EEFSEC: variants seen among roughly 807,000 people sequenced by gnomAD.
EEFSEC encodes the protein eukaryotic elongation factor, selenocysteine-tRNA specific, also known as selenocysteine-specific elongation factor.
Under a neutral mutation model 42.1 loss-of-function variants are expected in EEFSEC, and 43 were observed. The observed-to-expected ratio is 1.02, with a 90% CI of 0.80 to 1.32. The LOEUF is 1.32. EEFSEC is among the 40% of genes most tolerant of loss of function. The probability of loss-of-function intolerance (pLI) is 0.00; values close to 1 mark genes in which losing one functional copy is unlikely to be tolerated. For missense variants in EEFSEC, 745 were observed against 803.6 expected (o/e 0.93, Z 0.88); for synonymous variants, 354 against 339.1 (o/e 1.04, Z -0.48).
chr3:128,293,679 A>AAC lies in EEFSEC; in HGVS notation c.786+28899_786+28900insCA, dbSNP rs1553752141. Among the ~76,000 whole-genome samples, 77 of 133,448 alleles carry AAC rather than the reference A, an allele frequency of 5.8e-4. 4 individuals carry two copies. The highest frequency in any genetic ancestry group is 9.6e-4 in the Non-Finnish European group (61 of 63,432). 87.5% of individuals were successfully genotyped at this position (133,448 alleles called of 152,430 possible). ...CTATCTCAAAAAAAAAAAAAAAAAA[A>AAC]AAAAAAAACTTCCCTTATAGGATCA... On this transcript the variant is annotated intron_variant, in intron 4 of 6. Coordinates refer to ENST00000254730, the MANE Select transcript of EEFSEC (RefSeq NM_021937.5).
intron 4 of EEFSEC, among the ~76,000 whole-genome samples, chr3:128,322,108 C>A (rs1382035038): frequency 6.6e-6 from 1 of 152,208 alleles, no homozygotes; most frequent in Non-Finnish European, 1.5e-5. Context: ...ATAGCAGGAG[C>A]AGTTTCCCCA....
At chr3:128,258,405 T>C (rs1290051517) in intron 2 of EEFSEC, among the ~76,000 whole-genome samples, 1 of 152,208 alleles carries the variant, frequency 6.6e-6, no homozygotes, top group Non-Finnish European at 1.5e-5. Flanking sequence ...TTGCTTCTGC[T>C]ATTTGCTTCA....
At position 128,186,780 on chromosome 3, in the gene EEFSEC, C is replaced by A. The variant is rs2065469340; in HGVS notation, c.316+32957C>A. On this transcript the variant is annotated intron_variant, in intron 1 of 6. Coordinates refer to ENST00000254730, the MANE Select transcript of EEFSEC (RefSeq NM_021937.5). The stretch of plus-strand genomic sequence containing the variant: ...ATATTTCATTGATTTATATGTCTAG[C>A]CTTATTCTGAACTATTTTTTTTTTA... Among the ~76,000 whole-genome samples, 6 of 152,272 alleles carry A rather than the reference C, an allele frequency of 3.9e-5. No individual in the cohort carries two copies. The South Asian group carries it at 1.2e-3, about 32-fold the overall frequency.
At chr3:128,288,221 C>G (rs1559904047) in intron 4 of EEFSEC, among the ~76,000 whole-genome samples, 1 of 151,990 alleles carries the variant, frequency 6.6e-6, no homozygotes, top group Non-Finnish European at 1.5e-5. Flanking sequence ...CACAGGATCC[C>G]TAGGAGATGG....
At chr3:128,185,513 G>A (rs2065456812) in intron 1 of EEFSEC, among the ~76,000 whole-genome samples, 2 of 151,790 alleles carry the variant, frequency 1.3e-5, no homozygotes, top group Non-Finnish European at 2.9e-5. Context: ...GAATTAAATG[G>A]AATTATATAT....
Position 128,153,644 on chromosome 3 carries a change from G to T in EEFSEC, c.137G>T (p.Gly46Val). The T allele has an allele frequency of 6.3e-7, 1 of 1,598,358 alleles. No homozygotes were observed. The highest frequency in any genetic ancestry group is 1.1e-5 in the South Asian group (1 of 90,282). Reference protein sequence around the residue: ...FDKQPQSRERGITLDLGFSCF... With the variant: ...FDKQPQSRERVITLDLGFSCF... ...AAGCAGCCGCAGAGCCGCGAGCGCG[G>T]CATCACGCTCGATCTGGGCTTCTCG... The change falls in exon 1 of 7, where the codon GGC becomes GTC. Residue 46 changes from glycine to valine, a missense_variant. Coordinates refer to ENST00000254730, the MANE Select transcript of EEFSEC (RefSeq NM_021937.5).
At chr3:128,308,299 C>G (rs1382157208) in intron 4 of EEFSEC, among the ~76,000 whole-genome samples, 1 of 152,222 alleles carries the variant, frequency 6.6e-6, no homozygotes, top group Non-Finnish European at 1.5e-5. Flanking sequence ...GCTCTGACCT[C>G]AGTCCTTCTT....
chr3:128,309,311 G>A (rs2066865806), intron 4 of EEFSEC, among the ~76,000 whole-genome samples: 1 of 152,206 alleles, frequency 6.6e-6, no homozygotes, highest in Non-Finnish European at 1.5e-5. Flanking sequence ...CGATAGCTGA[G>A]AGAGGGCCAG....
intron 4 of EEFSEC, among the ~76,000 whole-genome samples, chr3:128,328,657 C>T (rs941740102): frequency 1.3e-5 from 2 of 152,180 alleles, no homozygotes; most frequent in African/African-American, 4.8e-5. Flanking sequence ...CCTTGGATTA[C>T]AAGGGCTTTT....
intron 1 of EEFSEC, among the ~76,000 whole-genome samples, chr3:128,177,167 G>A (rs2065358348): frequency 6.6e-6 from 1 of 152,000 alleles, no homozygotes; most frequent in Non-Finnish European, 1.5e-5. Context: ...ATTCAATGTT[G>A]TGGGGAGGCT....
intron 4 of EEFSEC, among the ~76,000 whole-genome samples, chr3:128,338,291 C>T (rs1432304036): frequency 6.6e-6 from 1 of 152,180 alleles, no homozygotes; most frequent in Non-Finnish European, 1.5e-5. Flanking sequence ...GCGGCACCCT[C>T]CCGCTGGGGC....
intron 6 of EEFSEC, among the ~76,000 whole-genome samples, chr3:128,384,169 T>C (rs1466678063): frequency 1.3e-5 from 2 of 151,906 alleles, no homozygotes; most frequent in African/African-American, 4.8e-5. Context: ...TGGAGGAGGG[T>C]GGAGAGACAG....
At chr3:128,345,328 T>C (rs182415179) in intron 5 of EEFSEC, among the ~76,000 whole-genome samples, 17 of 152,334 alleles carry the variant, frequency 1.1e-4, no homozygotes, top group African/African-American at 3.8e-4. Flanking sequence ...ATTATTTCTC[T>C]TTGAAGCACA....
At chr3:128,263,537 G>T (rs539393552) in intron 3 of EEFSEC, among the ~76,000 whole-genome samples, 2 of 152,330 alleles carry the variant, frequency 1.3e-5, no homozygotes, top group South Asian at 4.1e-4. Context: ...TTGTTAAAGC[G>T]AAATCCTCAA....
At chr3:128,382,267 G>T (rs1316782967) in intron 6 of EEFSEC, among the ~76,000 whole-genome samples, 2 of 152,216 alleles carry the variant, frequency 1.3e-5, no homozygotes, top group African/African-American at 4.8e-5. Context: ...ATGGGAAATT[G>T]GATGCCAACC....
chr3:128,227,004 C>T (rs1012111605), intron 1 of EEFSEC, among the ~76,000 whole-genome samples: 1 of 152,176 alleles, frequency 6.6e-6, no homozygotes, highest in African/African-American at 2.4e-5. Context: ...CCCCCCTGCC[C>T]CGGCCCCTCT....
chr3:128,424,661 A>T, the EEFSEC span, among the ~76,000 whole-genome samples: 1 of 152,188 alleles, frequency 6.6e-6, no homozygotes, highest in Non-Finnish European at 1.5e-5. Context: ...CTGGGATTAC[A>T]GGAATGAGTC....
intron 4 of EEFSEC, among the ~76,000 whole-genome samples, chr3:128,287,967 C>T (rs532633534): frequency 2.1e-4 from 32 of 151,156 alleles, no homozygotes; most frequent in Admixed American, 9.2e-4. Context: ...CCCCCGCCCC[C>T]CCCAAAAAAC....
chr3:128,169,782 C>A (rs1394817474), intron 1 of EEFSEC, among the ~76,000 whole-genome samples: 2 of 152,180 alleles, frequency 1.3e-5, no homozygotes, highest in Non-Finnish European at 2.9e-5. Context: ...ATCAGAGATA[C>A]TAAGTATCTA....
Sources: gnomAD v4.1 joint callset for allele counts (sites outside exome capture counted in the v4.1 genomes callset) on GRCh38, gnomAD v4.1.1 for gene constraint, MANE v1.5 for transcripts, NCBI Gene and HGNC (gene_info 2026-07-23, HGNC 2026-07-21) for gene names.